Variants in ATP7B observed in about 807,000 individuals in gnomAD.
ATP7B encodes the protein copper-transporting ATPase 2.
Under a neutral mutation model 118.9 loss-of-function variants are expected in ATP7B, and 113 were observed. The observed-to-expected ratio is 0.95, with a 90% CI of 0.82 to 1.11. The LOEUF (loss-of-function observed/expected upper bound fraction) is 1.11. ATP7B is among the 50% of genes most tolerant of loss of function. ATP7B has a pLI of 0.00. For synonymous variants in ATP7B, 777 were observed against 727.4 expected, an observed-to-expected ratio of 1.07 and a Z score of -1.10; for missense variants, 1,867 against 1,871.4, an observed-to-expected ratio of 1.00 and a Z score of 0.04.
intron 1 of ATP7B, among the ~76,000 whole-genome samples, chr13:51,981,562 A>G (rs1952421279): frequency 6.6e-6 from 1 of 152,160 alleles, no homozygotes; most frequent in Admixed American, 6.5e-5. Flanking sequence ...CCACAAATTC[A>G]CAGGGGAGGG....
rs1957917567 is a variant in ATP7B, at chr13:51,950,312, G to C, written c.2535C>G (p.Val845=). The change falls in exon 10 of 21, where the codon GTC becomes GTG. Residue 845 remains valine (V), a synonymous_variant. Transcript: ENST00000242839. ...PGGKFPVDGK[V]LEGNTMADES... ...CATCAGCCATGGTATTGCCTTCCAG[G>C]ACTTTCCCATCCACTGGAAACTTTC... 6.2e-7 allele frequency: 1 copy of C among 1,614,096 alleles called. No homozygotes were observed. The highest frequency in any genetic ancestry group is 8.5e-7 in the Non-Finnish European group (1 of 1,180,024).
chr13:52,009,431 T>C (rs1456894283), intron 1 of ATP7B, among the ~76,000 whole-genome samples: 1 of 152,210 alleles, frequency 6.6e-6, no homozygotes, highest in Non-Finnish European at 1.5e-5. Flanking sequence ...AGACCACCTT[T>C]GCTAGCCAGG....
chr13:51,973,311 G>C (rs764339691), intron 2 of ATP7B, among the ~76,000 whole-genome samples: 3 of 152,196 alleles, frequency 2.0e-5, no homozygotes, highest in Non-Finnish European at 4.4e-5. Flanking sequence ...AATCCAAGGA[G>C]GTTCGCATTC....
At position 51,974,549 on chromosome 13, in the gene ATP7B, A is replaced by G. The variant is rs994646747; in HGVS notation, c.671T>C (p.Ile224Thr). Residue 224 changes from isoleucine (I) to threonine (T), a missense_variant, in exon 2 of 21, where the codon ATT becomes ACT. By Grantham distance (89) the Ile-to-Thr change is moderately conservative. Transcript: ENST00000242839. ...VAPLSLGPID[I>T]ERLQSTNPKR... is the part of the protein sequence containing the mutation. ...TGGGTTAGTGCTTTGTAACCGCTCA[A>G]TATCAATTGGTCCCAGGCTTAAGGG... The G allele has an allele frequency of 1.3e-5, 21 of 1,614,062 alleles. No individual in the cohort carries two copies. Among genetic ancestry groups the G allele is most frequent in the Admixed American group, 1.7e-5 (1 of 60,010 alleles).
intron 2 of ATP7B, 23 bp downstream of exon 2, chr13:51,973,912 C>T (rs1566592651): frequency 6.2e-7 from 1 of 1,614,172 alleles, no homozygotes; most frequent in Non-Finnish European, 8.5e-7. Context: ...AAGCTCAGGA[C>T]ATGCCTCAAA....
In ATP7B at chr13:51,935,015, T is replaced by A; in HGVS notation, c.4139A>T (p.Asp1380Val). The change falls in exon 21 of 21, where the codon GAC (aspartate) becomes GTC (valine). Residue 1380 changes from aspartate to valine, a missense_variant. Physicochemically the swap from Asp to Val is radical, Grantham distance 152 (BLOSUM62 -3). Coordinates refer to ENST00000242839, the MANE Select transcript of ATP7B (RefSeq NM_000053.4). ...SLQLKCYKKP[D>V]LERYEAQAHG... Reference sequence around the variant, plus strand: ...CGCCTGTGCCTCATACCTCTCCAGGTCAGGCTTCTTATAGCTGGAAAGCAG... The same window carrying A: ...CGCCTGTGCCTCATACCTCTCCAGGACAGGCTTCTTATAGCTGGAAAGCAG... 6.2e-7 allele frequency: 1 copy of A among 1,613,892 alleles called. No homozygotes were observed. Among genetic ancestry groups the A allele is most frequent in the African/African-American group, 1.3e-5 (1 of 75,002 alleles).
rs1956792122 is a variant in ATP7B at position 51,933,190 on chromosome 13, T to C, written c.*1566A>G. 1 of 152,196 alleles carries C rather than the reference T, an allele frequency of 6.6e-6. No homozygotes were observed. Among genetic ancestry groups the C allele is most frequent in the South Asian group, 2.1e-4 (1 of 4,834 alleles). The allele number at this position is 152,196 out of a possible 1,614,324, so 9.4% of individuals were successfully genotyped here. ...AGGACCTTTTCCTCGTTTATTCTTA[T>C]CAGGAAAACTTCTATTCAAGGTAGA... On this transcript the variant is annotated 3_prime_UTR_variant, in exon 21 of 21. Transcript: ENST00000242839.
At chr13:51,940,696 G>A (rs143855832) in intron 16 of ATP7B, among the ~76,000 whole-genome samples, 93 of 152,226 alleles carry the variant, frequency 6.1e-4, no homozygotes, top group Middle Eastern at 6.8e-3. Context: ...AGACAGAGAA[G>A]GGTGGCATGG....
At chr13:51,949,971 G>A in intron 11 of ATP7B, 36 bp downstream of exon 11, 1 of 1,613,984 alleles carries the variant, frequency 6.2e-7, no homozygotes, top group Admixed American at 1.7e-5. Flanking sequence ...TCTAAAACGA[G>A]AAAGATGAAG....
chr13:51,941,721 T>C (rs1057184463), intron 15 of ATP7B, among the ~76,000 whole-genome samples: 2 of 152,212 alleles, frequency 1.3e-5, no homozygotes, highest in Non-Finnish European at 2.9e-5. Context: ...CGTGTGCTGC[T>C]AGCTGAGGTG....
At chr13:51,946,814 C>T (rs1201023217) in intron 12 of ATP7B, among the ~76,000 whole-genome samples, 1 of 152,158 alleles carries the variant, frequency 6.6e-6, no homozygotes, top group Non-Finnish European at 1.5e-5. Context: ...GATGATAATG[C>T]ATAGCTCATA....
intron 2 of ATP7B, among the ~76,000 whole-genome samples, chr13:51,973,181 T>C (rs539021518): frequency 4.6e-4 from 70 of 152,184 alleles, no homozygotes; most frequent in Non-Finnish European, 9.6e-4. Context: ...TTCTGTTGTT[T>C]AGCAGTAAAA....
intron 1 of ATP7B, among the ~76,000 whole-genome samples, chr13:51,996,335 C>G (rs992466727): frequency 6.6e-6 from 1 of 152,142 alleles, no homozygotes; most frequent in Non-Finnish European, 1.5e-5. Context: ...AGGAGACACA[C>G]GACACTGTGG....
chr13:52,006,843 T>C (rs1035379534), intron 1 of ATP7B, among the ~76,000 whole-genome samples: 3 of 152,152 alleles, frequency 2.0e-5, no homozygotes, highest in African/African-American at 4.8e-5. Context: ...CAATGCCTGC[T>C]CTTCCTGAAA....
intron 14 of ATP7B, among the ~76,000 whole-genome samples, chr13:51,943,172 G>A (rs1957440664): frequency 6.6e-6 from 1 of 152,136 alleles, no homozygotes; most frequent in African/African-American, 2.4e-5. Context: ...GACGCCTGGT[G>A]ATGTTCAGCA....
rs1285676343 is a variant in ATP7B, at chr13:51,944,013, A to G, written c.3243+96T>C. The G allele has an allele frequency of 3.3e-6, 5 of 1,523,978 alleles. No homozygotes were observed. In the African/African-American group the frequency reaches 6.8e-5, roughly 21 times the overall value. 94.4% of individuals were successfully genotyped at this position (1,523,978 alleles called of 1,614,324 possible). ...CTCTAAGTGGTTTTCCAGACCACACAGAGAAGGCTCCTCGAGGGCAGCTAG... is the reference window on the plus strand; with the variant it reads ...CTCTAAGTGGTTTTCCAGACCACACGGAGAAGGCTCCTCGAGGGCAGCTAG... On this transcript the variant is annotated intron_variant, in intron 14 of 20. Coordinates refer to ENST00000242839, the MANE Select transcript of ATP7B (RefSeq NM_000053.4).
At chr13:51,967,115 T>C in intron 4 of ATP7B, 1 of 1,592,586 alleles carries the variant, frequency 6.3e-7, no homozygotes, top group South Asian at 1.1e-5. Context: ...ATGAACAATG[T>C]CACCTGTACT....
At chr13:51,989,157 T>C (rs1267277635) in intron 1 of ATP7B, among the ~76,000 whole-genome samples, 5 of 152,148 alleles carry the variant, frequency 3.3e-5, no homozygotes, top group Non-Finnish European at 7.3e-5. Context: ...AAGGTTCGAG[T>C]ACTCTACATA....
intron 12 of ATP7B, among the ~76,000 whole-genome samples, chr13:51,949,252 T>C (rs1393621900): frequency 6.6e-6 from 1 of 152,188 alleles, no homozygotes; most frequent in Non-Finnish European, 1.5e-5. Context: ...AGGTCAAAGA[T>C]GGTACTGGTA....
Sources: allele counts gnomAD v4.1 joint callset (sites outside exome capture counted in the v4.1 genomes callset), GRCh38; gene constraint gnomAD v4.1.1; transcripts MANE v1.5; gene names NCBI Gene and HGNC (gene_info 2026-07-23, HGNC 2026-07-21).